The following CGNL1 variants were observed in gnomAD, a reference collection of about 807,000 sequenced individuals.
CGNL1 encodes cingulin-like protein 1.
Under a neutral mutation model 141.2 loss-of-function variants are expected in CGNL1, and 132 were observed. That is an observed-to-expected ratio of 0.93 (90% CI 0.81 to 1.08). CGNL1 has a LOEUF of 1.08. Among genes scored for constraint, CGNL1 ranks in the 50% least tolerant of loss-of-function variants. The pLI, the probability that CGNL1 is intolerant of heterozygous loss-of-function variation, is 0.00. For synonymous variants in CGNL1, 690 were observed against 622.1 expected, an observed-to-expected ratio of 1.11 and a Z score of -1.63; for missense variants, 1,870 against 1,588.6, an observed-to-expected ratio of 1.18 and a Z score of -3.01.
chr15:57,411,733 C>A (rs753331303), intron 1 of CGNL1, among the ~76,000 whole-genome samples: 52 of 151,892 alleles, frequency 3.4e-4, no homozygotes, highest in Non-Finnish European at 6.6e-4. Flanking sequence ...CATGAGCCAC[C>A]GCACCTGGCC....
chr15:57,497,306 CTGTT>C (rs1240113262), intron 8 of CGNL1, among the ~76,000 whole-genome samples: 6 of 137,106 alleles, frequency 4.4e-5, no homozygotes, highest in Admixed American at 8.6e-5. Context: ...GCGGAACTCA[CTGTT>C]TGTTTTGTGG....
chr15:57,425,822 C>G (rs1567109006), intron 1 of CGNL1, among the ~76,000 whole-genome samples: 1 of 151,338 alleles, frequency 6.6e-6, no homozygotes, highest in Non-Finnish European at 1.5e-5. Context: ...ATATATTATC[C>G]TTTTTTTGTT....
intron 8 of CGNL1, among the ~76,000 whole-genome samples, chr15:57,481,586 C>T (rs1285577201): frequency 1.3e-5 from 2 of 152,184 alleles, no homozygotes; most frequent in African/African-American, 4.8e-5. Context: ...CAACCATTCA[C>T]TCATTGAAGG....
intron 1 of CGNL1, among the ~76,000 whole-genome samples, chr15:57,437,168 A>G (rs1373444376): frequency 6.6e-6 from 1 of 152,198 alleles, no homozygotes; most frequent in Non-Finnish European, 1.5e-5. Context: ...AAGGTTGGCC[A>G]CACACCAGAA....
At chr15:57,520,612 A>T (rs11071328) in intron 10 of CGNL1, among the ~76,000 whole-genome samples, 1 of 152,206 alleles carries the variant, frequency 6.6e-6, no homozygotes, top group East Asian at 1.9e-4. Context: ...CAAGGCATCT[A>T]TGTTTCTATT....
chr15:57,547,586 G>C lies in CGNL1; in HGVS notation c.*96G>C. On this transcript the variant is annotated 3_prime_UTR_variant, in exon 19 of 19. Coordinates refer to ENST00000281282, the MANE Select transcript of CGNL1 (RefSeq NM_032866.5). ...GAGGGGAGCATCTGTCTGCCACTGA[G>C]ACCAATCACAGCCTCTTTGCACAGC... 1 of 1,416,598 alleles carries C rather than the reference G, an allele frequency of 7.1e-7. No homozygotes were observed. Among genetic ancestry groups the C allele is most frequent in the Non-Finnish European group, 9.7e-7 (1 of 1,033,374 alleles). The allele number at this position is 1,416,598 out of a possible 1,614,324, so 87.8% of individuals were successfully genotyped here. A position where few individuals can be genotyped will look rare whatever the true frequency, so the allele number is the denominator to read the frequency against.
rs1349540279 is a variant in CGNL1, at chr15:57,544,608, C to T, written c.3500+11C>T. ...GGAGAGTGAGGAGAGGTGAGCCGGG[C>T]CCACCCACTGCAGTGCGGAGGCCCC... On this transcript the variant is annotated intron_variant, in intron 16 of 18. Coordinates refer to ENST00000281282, the MANE Select transcript of CGNL1 (RefSeq NM_032866.5). The T allele has an allele frequency of 1.1e-5, 18 of 1,566,630 alleles. No individual in the cohort carries two copies. Among genetic ancestry groups the T allele is most frequent in the Non-Finnish European group, 1.6e-5 (18 of 1,155,150 alleles).
chr15:57,513,214 A>G (rs1359747987), intron 8 of CGNL1, among the ~76,000 whole-genome samples: 2 of 151,120 alleles, frequency 1.3e-5, no homozygotes, highest in Non-Finnish European at 2.9e-5. Flanking sequence ...CTGTCTCCGT[A>G]GATTTGCTAT....
At chr15:57,495,771 T>C (rs776999515) in intron 8 of CGNL1, among the ~76,000 whole-genome samples, 1 of 152,188 alleles carries the variant, frequency 6.6e-6, no homozygotes, top group East Asian at 1.9e-4. Flanking sequence ...CAGCCCTATT[T>C]TCCCTGATGT....
At chr15:57,397,662 T>G (rs2062616829) in intron 1 of CGNL1, among the ~76,000 whole-genome samples, 1 of 152,200 alleles carries the variant, frequency 6.6e-6, no homozygotes, top group African/African-American at 2.4e-5. Flanking sequence ...GGGTATAGAT[T>G]ATTTTATGTT....
chr15:57,529,037 C>G lies in CGNL1; in HGVS notation c.3201+222C>G, dbSNP rs1219133554. ...GAAGGAATGATGGATATAAATTAGT[C>G]TAACATTCTCATTGTCTTGAGAGGA... On this transcript the variant is annotated intron_variant, in intron 13 of 18. Coordinates refer to ENST00000281282, the MANE Select transcript of CGNL1 (RefSeq NM_032866.5). The G allele has an allele frequency of 1.5e-5, 7 of 454,938 alleles. No individual in the cohort carries two copies. In the East Asian group the frequency reaches 2.6e-4, roughly 17 times the overall value. The allele number at this position is 454,938 out of a possible 1,614,324, so 28.2% of individuals were successfully genotyped here.
chr15:57,403,900 C>G (rs1383366383), intron 1 of CGNL1, among the ~76,000 whole-genome samples: 9 of 152,162 alleles, frequency 5.9e-5, no homozygotes, highest in Non-Finnish European at 1.2e-4. Flanking sequence ...AGCCCCAGAG[C>G]CTAGTTGCCT....
In CGNL1 at chr15:57,438,747, C is replaced by G; in HGVS notation, c.748C>G (p.Leu250Val). 1 of 1,614,144 alleles carries G rather than the reference C, an allele frequency of 6.2e-7. No individual in the cohort carries two copies. The highest frequency in any genetic ancestry group is 8.5e-7 in the Non-Finnish European group (1 of 1,180,014). ...CTKERVGEEA[L>V]FTSGRPLTAH... Reference sequence around the variant, plus strand: ...CAAGGAGAGGGTGGGAGAGGAGGCCCTTTTCACTAGCGGGAGGCCCCTGAC... The same window carrying G: ...CAAGGAGAGGGTGGGAGAGGAGGCCGTTTTCACTAGCGGGAGGCCCCTGAC... Residue 250 changes from leucine (L) to valine (V), a missense_variant, in exon 2 of 19, where the codon CTT (leucine) becomes GTT (valine). Leu to Val is a conservative substitution (Grantham distance 32). Coordinates refer to ENST00000281282, the MANE Select transcript of CGNL1 (RefSeq NM_032866.5).
At chr15:57,511,253 CCTT>C (rs1434154068) in intron 8 of CGNL1, among the ~76,000 whole-genome samples, 1 of 152,174 alleles carries the variant, frequency 6.6e-6, no homozygotes, top group Non-Finnish European at 1.5e-5. Context: ...ATCCCTCTTA[CCTT>C]CTTTTTATAC....
chr15:57,432,137 C>G (rs553571413), intron 1 of CGNL1, among the ~76,000 whole-genome samples: 1 of 152,208 alleles, frequency 6.6e-6, no homozygotes, highest in Non-Finnish European at 1.5e-5. Context: ...GCCAGCCTGG[C>G]TTGACTGATG....
intron 1 of CGNL1, among the ~76,000 whole-genome samples, chr15:57,425,862 C>T (rs1956461072): frequency 6.6e-6 from 1 of 151,710 alleles, no homozygotes; most frequent in African/African-American, 2.4e-5. Flanking sequence ...TTTTGGATTA[C>T]CAGTCTAATT....
intron 15 of CGNL1, among the ~76,000 whole-genome samples, chr15:57,543,989 G>A (rs997978490): frequency 1.3e-4 from 20 of 152,164 alleles, no homozygotes; most frequent in Non-Finnish European, 2.8e-4. Context: ...AATTGCATGT[G>A]TTATTTTCTA....
chr15:57,537,988 C>T (rs2032353879), intron 14 of CGNL1, among the ~76,000 whole-genome samples: 1 of 151,306 alleles, frequency 6.6e-6, no homozygotes, highest in African/African-American at 2.4e-5. Flanking sequence ...TCAGCCAAGC[C>T]ATAGGTTTTT....
chr15:57,464,820 G>T (rs2063491917), intron 8 of CGNL1, among the ~76,000 whole-genome samples: 1 of 150,648 alleles, frequency 6.6e-6, no homozygotes, highest in Admixed American at 6.7e-5. Context: ...CACAGTCTTG[G>T]CTCACTGCAG....
Sources: gnomAD v4.1 joint callset for allele counts (sites outside exome capture counted in the v4.1 genomes callset) on GRCh38, gnomAD v4.1.1 for gene constraint, MANE v1.5 for transcripts, NCBI Gene and HGNC (gene_info 2026-07-23, HGNC 2026-07-21) for gene names.